The following CHIC2 variants were observed in gnomAD, a reference collection of about 807,000 sequenced individuals.
The protein encoded by CHIC2 is cysteine rich hydrophobic domain 2.
A neutral mutation model predicts 25.9 loss-of-function variants in CHIC2; 14 were observed. That is an observed-to-expected ratio of 0.54 (90% CI 0.36 to 0.85). CHIC2 has a LOEUF of 0.85. Among genes scored for constraint, CHIC2 ranks in the 40% least tolerant of loss-of-function variants. The probability of loss-of-function intolerance (pLI) is 0.01; values close to 1 mark genes in which losing one functional copy is unlikely to be tolerated. For missense variants in CHIC2, 146 were observed against 202.0 expected (o/e 0.72, Z 1.68); for synonymous variants, 70 against 72.0 (o/e 0.97, Z 0.14).
the CHIC2 span, among the ~76,000 whole-genome samples, chr4:54,075,263 G>C: frequency 6.6e-6 from 1 of 152,224 alleles, no homozygotes; most frequent in Admixed American, 6.5e-5. Context: ...CTCTGCACTT[G>C]ATATATTTAA....
intron 1 of CHIC2, among the ~76,000 whole-genome samples, chr4:54,056,636 T>TA (rs1717185485): frequency 6.6e-6 from 1 of 152,156 alleles, no homozygotes. Flanking sequence ...TCACTTTTTT[T>TA]ATCAATCAAA....
At chr4:54,072,504 A>G in the CHIC2 span, among the ~76,000 whole-genome samples, 1 of 152,172 alleles carries the variant, frequency 6.6e-6, no homozygotes, top group African/African-American at 2.4e-5. Flanking sequence ...TCTGCATCAC[A>G]CGGTACTTCC....
chr4:54,031,689 G>A (rs371455164), intron 3 of CHIC2, among the ~76,000 whole-genome samples: 6 of 139,438 alleles, frequency 4.3e-5, no homozygotes, highest in African/African-American at 1.4e-4. Context: ...GTGCCATCTC[G>A]GCTCACTGCA....
chr4:54,086,153 G>A, the CHIC2 span, among the ~76,000 whole-genome samples: 1 of 151,680 alleles, frequency 6.6e-6, no homozygotes. Context: ...ATATGCTTAG[G>A]AAAGCATGTA....
intron 1 of CHIC2, among the ~76,000 whole-genome samples, chr4:54,049,618 A>C (rs1470202251): frequency 1.3e-5 from 2 of 152,192 alleles, no homozygotes; most frequent in Non-Finnish European, 2.9e-5. Flanking sequence ...AGTAACTACA[A>C]AGCATATTAT....
chr4:54,014,771 T>C (rs900031319), intron 3 of CHIC2, among the ~76,000 whole-genome samples: 6 of 152,138 alleles, frequency 3.9e-5, no homozygotes, highest in Admixed American at 1.3e-4. Flanking sequence ...CAGTTGATTT[T>C]TGCAAGATAT....
the CHIC2 span, among the ~76,000 whole-genome samples, chr4:54,091,234 G>A: frequency 6.6e-6 from 1 of 152,146 alleles, no homozygotes; most frequent in Non-Finnish European, 1.5e-5. Flanking sequence ...CTGGCTCGCT[G>A]AGTGACGCCA....
chr4:54,049,135 TAAC>T, intron 2 of CHIC2, 25 bp from the exon 3 acceptor site: 3 of 1,587,414 alleles, frequency 1.9e-6, no homozygotes, highest in Middle Eastern at 1.7e-4. Flanking sequence ...TAAGAAATAA[TAAC>T]AATGCAATAT....
At chr4:54,061,195 T>A (rs1453383853) in intron 1 of CHIC2, 1 of 152,148 alleles carries the variant, frequency 6.6e-6, no homozygotes, top group Non-Finnish European at 1.5e-5. Flanking sequence ...ACATGTTGCA[T>A]CCTATGTCAC....
At chr4:54,049,326 A>T (rs1560395141) in intron 1 of CHIC2, 21 bp from the exon 2 acceptor site, 1 of 1,501,690 alleles carries the variant, frequency 6.7e-7, no homozygotes, top group East Asian at 2.3e-5. Flanking sequence ...AAATAAGAAG[A>T]ATATGTTATT....
At chr4:54,075,818 G>T in the CHIC2 span, among the ~76,000 whole-genome samples, 5 of 152,130 alleles carry the variant, frequency 3.3e-5, no homozygotes, top group Admixed American at 2.0e-4. Flanking sequence ...AAAATGCTGG[G>T]ATTACAGATG....
chr4:54,090,004 G>C, the CHIC2 span, among the ~76,000 whole-genome samples: 5 of 152,192 alleles, frequency 3.3e-5, no homozygotes, highest in African/African-American at 1.2e-4. Context: ...TGAATAAGCT[G>C]TATGTGAAAT....
intron 3 of CHIC2, among the ~76,000 whole-genome samples, chr4:54,040,144 ACT>A (rs1184232054): frequency 6.6e-6 from 1 of 152,052 alleles, no homozygotes; most frequent in Non-Finnish European, 1.5e-5. Flanking sequence ...TGGTTACAAA[ACT>A]CTATGCGTTT....
chr4:54,015,946 T>C (rs898510264), intron 3 of CHIC2, among the ~76,000 whole-genome samples: 2 of 152,186 alleles, frequency 1.3e-5, no homozygotes, highest in African/African-American at 2.4e-5. Flanking sequence ...TGGTGAAAAA[T>C]GGCAATAGGT....
intron 3 of CHIC2, among the ~76,000 whole-genome samples, chr4:54,025,038 G>GC (rs558578109): frequency 3.5e-4 from 47 of 133,090 alleles, no homozygotes; most frequent in Non-Finnish European, 5.1e-4. Context: ...CATACCACCC[G>GC]CCCCCCCAAA....
At chr4:54,034,194 C>T (rs867032233) in intron 3 of CHIC2, among the ~76,000 whole-genome samples, 1 of 151,848 alleles carries the variant, frequency 6.6e-6, no homozygotes, top group African/African-American at 2.4e-5. Flanking sequence ...CACCTCAGGT[C>T]GGGGGTTCGA....
Position 54,014,158 on chromosome 4 carries a change from T to G in CHIC2, c.331-39A>C, listed in dbSNP as rs993505060. ...GAGAAAAAAGTTTACTCTTGACTGG[T>G]TTTAGAAAACTTTGTTTTGCAGCTG... On this transcript the variant is annotated intron_variant, in intron 3 of 5. Transcript: ENST00000263921. 3 of 1,597,026 alleles carry G rather than the reference T, an allele frequency of 1.9e-6. No individual in the cohort carries two copies. In the East Asian group the frequency reaches 6.7e-5, roughly 36 times the overall value.
the CHIC2 span, among the ~76,000 whole-genome samples, chr4:54,077,468 G>C: frequency 1.8e-4 from 28 of 152,272 alleles, no homozygotes; most frequent in Non-Finnish European, 3.2e-4. Flanking sequence ...GACTTACATG[G>C]CTGTCTGGCA....
chr4:54,010,057 A>G lies in CHIC2; in HGVS notation c.*38T>C. 6 of 1,457,726 alleles carry G rather than the reference A, an allele frequency of 4.1e-6. No individual in the cohort carries two copies. The highest frequency in any genetic ancestry group is 5.8e-6 in the Non-Finnish European group (6 of 1,042,732). The allele number at this position is 1,457,726 out of a possible 1,614,324, so 90.3% of individuals were successfully genotyped here. A position where few individuals can be genotyped will look rare whatever the true frequency, so the allele number is the denominator to read the frequency against. ...CACCAAGCAAGGCACCATTGGAAAG[A>G]CAACATACTTGGAAAGTCTCTATAA... On this transcript the variant is annotated 3_prime_UTR_variant, in exon 6 of 6. Coordinates refer to ENST00000263921, the MANE Select transcript of CHIC2 (RefSeq NM_012110.4).
Sources: allele counts gnomAD v4.1 joint callset (sites outside exome capture counted in the v4.1 genomes callset), GRCh38; gene constraint gnomAD v4.1.1; transcripts MANE v1.5; gene names NCBI Gene and HGNC (gene_info 2026-07-23, HGNC 2026-07-21).